Variants in SMCO2 observed in about 807,000 individuals in gnomAD.
The protein encoded by SMCO2 is single-pass membrane and coiled-coil domain-containing protein 2.
SMCO2 carries 25 observed loss-of-function variants against 29.5 expected under a neutral mutation model. The observed-to-expected ratio is 0.85, with a 90% CI of 0.62 to 1.18. The LOEUF (loss-of-function observed/expected upper bound fraction) is 1.18, where lower values mean the gene tolerates loss of function less well. Ranked by LOEUF, SMCO2 falls within the 50% of genes most tolerant of loss-of-function variation. The pLI is 0.00. For missense variants in SMCO2, 348 were observed against 344.5 expected (o/e 1.01, Z -0.08); for synonymous variants, 117 against 123.3 (o/e 0.95, Z 0.34).
intron 4 of SMCO2, among the ~76,000 whole-genome samples, chr12:27,477,519 A>T (rs1249410146): frequency 6.7e-6 from 1 of 150,352 alleles, no homozygotes; most frequent in Non-Finnish European, 1.5e-5. Flanking sequence ...ATTTCATTAA[A>T]TTTTTTTTAA....
chr12:27,479,573 T>C (rs1949622528), intron 4 of SMCO2, among the ~76,000 whole-genome samples: 1 of 152,210 alleles, frequency 6.6e-6, no homozygotes, highest in Non-Finnish European at 1.5e-5. Context: ...GGTTTGGCTG[T>C]GTCCCCGCCC....
intron 7 of SMCO2, among the ~76,000 whole-genome samples, chr12:27,500,253 T>C (rs189113820): frequency 6.7e-6 from 1 of 150,234 alleles, no homozygotes; most frequent in Non-Finnish European, 1.5e-5. Context: ...TAAATAAAAA[T>C]CAAATGATTC....
chr12:27,496,409 C>T (rs1348343901), intron 7 of SMCO2, among the ~76,000 whole-genome samples: 1 of 150,540 alleles, frequency 6.6e-6, no homozygotes, highest in South Asian at 2.1e-4. Flanking sequence ...TAAAATCTAT[C>T]TATATCTATC....
At chr12:27,488,726 A>G (rs1468513051) in intron 5 of SMCO2, among the ~76,000 whole-genome samples, 179 bp downstream of exon 6, 3 of 152,174 alleles carry the variant, frequency 2.0e-5, no homozygotes, top group Non-Finnish European at 4.4e-5. Context: ...TGATGACACA[A>G]AAAACCTAGA....
intron 4 of SMCO2, among the ~76,000 whole-genome samples, chr12:27,484,530 T>C (rs1223947727): frequency 6.6e-6 from 1 of 152,178 alleles, no homozygotes; most frequent in Non-Finnish European, 1.5e-5. Context: ...TCTCAGTACT[T>C]TAAAGATGCT....
the SMCO2 span, among the ~76,000 whole-genome samples, chr12:27,456,372 G>A: frequency 1.8e-4 from 27 of 152,260 alleles, no homozygotes; most frequent in South Asian, 1.2e-3. Flanking sequence ...CAAGTAAAGC[G>A]TTTCCTCATT....
the SMCO2 span, among the ~76,000 whole-genome samples, chr12:27,450,574 G>GGAAGCCA: frequency 6.6e-6 from 1 of 152,312 alleles, no homozygotes; most frequent in East Asian, 1.9e-4. Context: ...TTCAGGACTG[G>GGAAGCCA]TAAATCAGCA....
At chr12:27,499,510 G>C (rs778605734) in intron 7 of SMCO2, among the ~76,000 whole-genome samples, 2 of 150,498 alleles carry the variant, frequency 1.3e-5, no homozygotes, top group Non-Finnish European at 2.9e-5. Flanking sequence ...ATTAGATAGT[G>C]GTGATGGTTG....
the SMCO2 span, chr12:27,425,166 G>T: frequency 6.6e-6 from 1 of 151,656 alleles, no homozygotes; most frequent in Admixed American, 6.6e-5. Flanking sequence ...CAGTTCACTT[G>T]TGCTCGTCTG....
At chr12:27,493,876 G>C (rs1450091991) in intron 5 of SMCO2, 1 of 152,398 alleles carries the variant, frequency 6.6e-6, no homozygotes, top group African/African-American at 2.4e-5. Flanking sequence ...AAGCCGTCCG[G>C]CCTGAATATT....
intron 5 of SMCO2, among the ~76,000 whole-genome samples, chr12:27,489,174 G>C (rs1949714359): frequency 6.6e-6 from 1 of 151,984 alleles, no homozygotes; most frequent in Non-Finnish European, 1.5e-5. Flanking sequence ...TCAGCCTCCT[G>C]AGTAGCTGGG....
At chr12:27,423,542 G>A in the SMCO2 span, 1 of 152,074 alleles carries the variant, frequency 6.6e-6, no homozygotes, top group Non-Finnish European at 1.5e-5. Context: ...TGTTAGCCAG[G>A]ATGGTCTCGA....
At chr12:27,480,403 T>C (rs1465235183) in intron 4 of SMCO2, among the ~76,000 whole-genome samples, 1 of 152,122 alleles carries the variant, frequency 6.6e-6, no homozygotes, top group Non-Finnish European at 1.5e-5. Flanking sequence ...CAGTAGTGGC[T>C]AGTGGAGTGG....
At chr12:27,450,728 A>C in the SMCO2 span, among the ~76,000 whole-genome samples, 1 of 152,242 alleles carries the variant, frequency 6.6e-6, no homozygotes, top group Non-Finnish European at 1.5e-5. Context: ...TCTTATAGCT[A>C]TTTAGAAATT....
At chr12:27,444,001 C>T in the SMCO2 span, among the ~76,000 whole-genome samples, 4 of 152,124 alleles carry the variant, frequency 2.6e-5, no homozygotes, top group Non-Finnish European at 5.9e-5. Flanking sequence ...CCATGAAATA[C>T]TTCAAATAGC....
At chr12:27,494,383 C>A in intron 6 of SMCO2, 27 bp downstream of exon 7, 3 of 1,480,756 alleles carry the variant, frequency 2.0e-6, no homozygotes, top group Non-Finnish European at 2.7e-6. Flanking sequence ...ACAATTCAAA[C>A]AATGATAAAA....
Position 27,501,428 on chromosome 12 carries a change from A to C in SMCO2, c.684-495A>C, listed in dbSNP as rs1370459958. 2.7e-5 allele frequency among the ~76,000 whole-genome samples: 4 copies of C among 146,214 alleles called. 1 individual carries two copies. Among genetic ancestry groups the C allele is most frequent in the African/African-American group, 8.0e-5 (3 of 37,540 alleles). ...GAGACTCCGTCTCAAAAAAAAAAAA[A>C]AAAAAAAAACAAACAAACAAAACAA... On this transcript the variant is annotated intron_variant, in intron 7 of 7. Transcript: ENST00000298876.
At chr12:27,492,963 A>C (rs1942944652) in intron 5 of SMCO2, among the ~76,000 whole-genome samples, 2 of 152,250 alleles carry the variant, frequency 1.3e-5, no homozygotes, top group Admixed American at 1.3e-4. Context: ...TGGGATAAAG[A>C]AAATGTGATA....
chr12:27,446,303 G>T, the SMCO2 span, among the ~76,000 whole-genome samples: 1 of 152,128 alleles, frequency 6.6e-6, no homozygotes, highest in African/African-American at 2.4e-5. Flanking sequence ...ATGGAGGAGG[G>T]AGAGAGAAAG....
Sources: allele counts gnomAD v4.1 joint callset (sites outside exome capture counted in the v4.1 genomes callset), GRCh38; gene constraint gnomAD v4.1.1; transcripts MANE v1.5; gene names NCBI Gene and HGNC (gene_info 2026-07-23, HGNC 2026-07-21).